Variants in NSD2 observed in about 807,000 individuals in gnomAD.
The protein encoded by NSD2 is nuclear receptor binding SET domain protein 2, also known as histone-lysine N-methyltransferase NSD2.
Under a neutral mutation model 139.0 loss-of-function variants are expected in NSD2, and 12 were observed. That is an observed-to-expected ratio of 0.09 (90% CI 0.06 to 0.14). NSD2 has a LOEUF of 0.14. NSD2 is among the 10% of genes least tolerant of loss of function. NSD2 has a pLI of 1.00. For synonymous variants in NSD2, 669 were observed against 648.7 expected, an observed-to-expected ratio of 1.03 and a Z score of -0.48; for missense variants, 1,155 against 1,745.0, an observed-to-expected ratio of 0.66 and a Z score of 6.02.
At chr4:1,872,564 TTGTGTG>T (rs752377919) in intron 1 of NSD2, among the ~76,000 whole-genome samples, 149 of 101,130 alleles carry the variant, frequency 1.5e-3, no homozygotes, top group South Asian at 7.5e-3. Context: ...AACGTGTATT[TTGTGTG>T]TGTGTGTGTG....
rs773563373 is a variant in NSD2 at position 1,955,838 on chromosome 4, T to G, written c.2664T>G (p.Leu888=). Residue 888 remains leucine (L), a synonymous_variant, in exon 14 of 22, where the codon CTT becomes CTG. Coordinates refer to ENST00000508803, the MANE Select transcript of NSD2 (RefSeq NM_001042424.3). The surrounding 1 kb of genome is among the most constrained non-coding windows in gnomAD (Gnocchi z 4.7). ...TCCAGGATATCATTTGGGTGAAACT[T>G]GGGAACTACAGGTGTGAGACATAGA... ...LHFQDIIWVK[L]GNYRWWPAEV... is the part of the protein sequence containing the mutation. 2.5e-6 allele frequency: 4 copies of G among 1,613,972 alleles called. No individual in the cohort carries two copies. The Admixed American group carries it at 6.7e-5, about 27-fold the overall frequency.
intron 5 of NSD2, among the ~76,000 whole-genome samples, chr4:1,929,190 C>T (rs1721325732): frequency 6.6e-6 from 1 of 151,822 alleles, no homozygotes; most frequent in Non-Finnish European, 1.5e-5. Context: ...ATGACTCATC[C>T]AGGCAACAAG....
intron 9 of NSD2, chr4:1,944,298 AG>A (rs1360276290): frequency 1.9e-6 from 2 of 1,066,232 alleles, no homozygotes; most frequent in African/African-American, 1.6e-5. Flanking sequence ...CTTGTTTGAA[AG>A]AACTTAGGGA....
In NSD2 at chr4:1,980,220, T is replaced by C. The variant is rs1727622620; in HGVS notation, c.*1311T>C. The C allele has an allele frequency of 4.3e-6, 1 of 233,154 alleles. No individual in the cohort carries two copies. Among genetic ancestry groups the C allele is most frequent in the African/African-American group, 2.2e-5 (1 of 45,356 alleles). The allele number at this position is 233,154 out of a possible 1,614,324, so 14.4% of individuals were successfully genotyped here. On this transcript the variant is annotated 3_prime_UTR_variant, in exon 22 of 22. Transcript: ENST00000508803. ...CTTTAGTTTTTAAAAGGTCCAGTTCTACAGAGTGAGACCTATCTATCTGAG... is the reference window on the plus strand; with the variant it reads ...CTTTAGTTTTTAAAAGGTCCAGTTCCACAGAGTGAGACCTATCTATCTGAG...
chr4:1,968,634 TA>T (rs922344274), intron 18 of NSD2, among the ~76,000 whole-genome samples: 5 of 151,288 alleles, frequency 3.3e-5, no homozygotes, highest in Admixed American at 1.3e-4. Flanking sequence ...AAGCACAGAT[TA>T]AAAAAAAATC....
chr4:1,929,223 G>A (rs1449972413), intron 5 of NSD2, among the ~76,000 whole-genome samples: 3 of 152,012 alleles, frequency 2.0e-5, no homozygotes, highest in Admixed American at 6.5e-5. Context: ...GCCTCCCATG[G>A]TGGGGCCATG....
At chr4:1,891,455 T>C (rs557089232) in intron 1 of NSD2, among the ~76,000 whole-genome samples, 1 of 152,304 alleles carries the variant, frequency 6.6e-6, no homozygotes, top group Admixed American at 6.5e-5. Flanking sequence ...TGAGACCTCC[T>C]TCTGCTCAGT....
chr4:1,893,304 C>T (rs1481341569), intron 1 of NSD2, among the ~76,000 whole-genome samples: 2 of 152,078 alleles, frequency 1.3e-5, no homozygotes, highest in African/African-American at 2.4e-5. Context: ...CCCGTCTCTA[C>T]TAAAAGTACA....
At position 1,976,570 on chromosome 4, in the gene NSD2, G is replaced by A. The variant is rs1358089551; in HGVS notation, c.3717G>A (p.Glu1239=). 1.9e-6 allele frequency: 3 copies of A among 1,613,534 alleles called. No homozygotes were observed. The highest frequency in any genetic ancestry group is 1.7e-5 in the Admixed American group (1 of 59,916). Residue 1239 remains glutamate, a synonymous_variant, in exon 21 of 22, where the codon GAG becomes GAA. Coordinates refer to ENST00000508803, the MANE Select transcript of NSD2 (RefSeq NM_001042424.3). The surrounding 1 kb of genome is among the most constrained non-coding windows in gnomAD (Gnocchi z 5.3). ...RAKGEGKRQS[E]DECFRCGDGG... The stretch of plus-strand genomic sequence containing the variant: ...AAGGGGAAGGGAAGAGGCAGTCAGA[G>A]GACGAGTGCTTCCGCTGCGGTGATG...
At chr4:1,902,150 TAAAAA>T (rs1465510377) in intron 2 of NSD2, among the ~76,000 whole-genome samples, 1 of 152,104 alleles carries the variant, frequency 6.6e-6, no homozygotes, top group South Asian at 2.1e-4. Flanking sequence ...CTTTGAGGGT[TAAAAA>T]AACGTTTTTT....
At chr4:1,879,659 G>A (rs945124572) in intron 1 of NSD2, among the ~76,000 whole-genome samples, 2 of 152,084 alleles carry the variant, frequency 1.3e-5, no homozygotes, top group Non-Finnish European at 2.9e-5. Flanking sequence ...TAGCTCTTGT[G>A]ATGAGCCGTG....
At chr4:1,926,912 A>G (rs761521304) in intron 5 of NSD2, among the ~76,000 whole-genome samples, 2 of 152,174 alleles carry the variant, frequency 1.3e-5, no homozygotes, top group East Asian at 3.8e-4. Context: ...TGTTACCTCA[A>G]AACTTAGTGG....
intron 15 of NSD2, among the ~76,000 whole-genome samples, chr4:1,957,369 C>T (rs1487113296): frequency 2.7e-5 from 4 of 148,968 alleles, no homozygotes; most frequent in Admixed American, 6.7e-5. Context: ...CTGCAACCTC[C>T]ACCTCCTGGG....
chr4:1,893,478 AT>A (rs1446050435), intron 1 of NSD2, among the ~76,000 whole-genome samples: 4 of 152,212 alleles, frequency 2.6e-5, no homozygotes, highest in Admixed American at 1.3e-4. Context: ...CAATAAAAAA[AT>A]AAATAAATAA....
intron 3 of NSD2, among the ~76,000 whole-genome samples, chr4:1,910,038 TATA>T (rs1718456945): frequency 6.6e-6 from 1 of 152,130 alleles, no homozygotes; most frequent in Non-Finnish European, 1.5e-5. Flanking sequence ...AAAACTGAGG[TATA>T]ATATACATGC....
At chr4:1,939,915 C>T (rs747344990) in intron 9 of NSD2, 137 bp downstream of exon 9, 1 of 1,527,804 alleles carries the variant, frequency 6.5e-7, no homozygotes. Context: ...TTTAGGGCCT[C>T]TTGGCTAACT....
rs372805518 is a variant in NSD2 at position 1,916,918 on chromosome 4, G to A, written c.808G>A (p.Ala270Thr). ...GTATCACGTACAGTTCTTTGGTGAC[G>A]CCCCAGAAAGAGCTTGGATATTTGA... ...RQYHVQFFGDAPERAWIFEKS... is the reference protein window; with the variant it reads ...RQYHVQFFGDTPERAWIFEKS... Residue 270 changes from alanine to threonine, a missense_variant, in exon 4 of 22, where the codon GCC becomes ACC. Transcript: ENST00000508803. The A allele has an allele frequency of 3.7e-6, 6 of 1,613,908 alleles. No homozygotes were observed. The highest frequency in any genetic ancestry group is 1.7e-5 in the Admixed American group (1 of 59,988).
chr4:1,959,864 T>G, intron 17 of NSD2, 124 bp downstream of exon 17: 1 of 1,277,184 alleles, frequency 7.8e-7, no homozygotes, highest in Non-Finnish European at 1.1e-6. Flanking sequence ...AAAAAATTTT[T>G]TTTGTTTTTG....
Position 1,978,912 on chromosome 4 carries a change from C to T in NSD2, c.*3C>T, listed in dbSNP as rs1028622068. 7.3e-6 allele frequency: 11 copies of T among 1,506,542 alleles called. No individual in the cohort carries two copies. Among genetic ancestry groups the T allele is most frequent in the Admixed American group, 2.2e-5 (1 of 44,822 alleles). The allele number at this position is 1,506,542 out of a possible 1,614,324, so 93.3% of individuals were successfully genotyped here. Reference sequence around the variant, plus strand: ...GGAGAGTCACAGAGGGCAAATAGCGCCAGGCGGCCGCTTGGCCGGATCCAG... The same window carrying T: ...GGAGAGTCACAGAGGGCAAATAGCGTCAGGCGGCCGCTTGGCCGGATCCAG... On this transcript the variant is annotated 3_prime_UTR_variant, in exon 22 of 22. Transcript: ENST00000508803.
Sources: gnomAD v4.1 joint callset for allele counts (sites outside exome capture counted in the v4.1 genomes callset) on GRCh38, gnomAD v4.1.1 for gene constraint, Gnocchi (gnomAD v3.1) non-coding constraint, MANE v1.5 for transcripts, NCBI Gene and HGNC (gene_info 2026-07-23, HGNC 2026-07-21) for gene names.